SUPT3H: variants seen among roughly 807,000 people sequenced by gnomAD.
The protein encoded by SUPT3H is transcription initiation protein SPT3 homolog.
In SUPT3H, 44 loss-of-function variants were observed where a neutral mutation model predicts 44.3. The ratio of observed to expected loss-of-function variants is 0.99; its 90% CI spans 0.78 to 1.28. The LOEUF is 1.28. Among genes scored for constraint, SUPT3H ranks in the 50% most tolerant of loss-of-function variants. The probability of loss-of-function intolerance (pLI) is 0.00; values close to 1 mark genes in which losing one functional copy is unlikely to be tolerated. For synonymous variants in SUPT3H, 124 were observed against 125.6 expected, an observed-to-expected ratio of 0.99 and a Z score of 0.09; for missense variants, 380 against 387.1, an observed-to-expected ratio of 0.98 and a Z score of 0.15.
chr6:45,183,135 A>G (rs1001423507), intron 2 of SUPT3H, among the ~76,000 whole-genome samples: 1 of 152,270 alleles, frequency 6.6e-6, no homozygotes, highest in Non-Finnish European at 1.5e-5. Context: ...TTATTCAGCC[A>G]CAAAAAGAAT....
At chr6:44,876,836 G>GAAAAAAAAAAA (rs200454659) in intron 10 of SUPT3H, among the ~76,000 whole-genome samples, 7 of 92,234 alleles carry the variant, frequency 7.6e-5, no homozygotes, top group East Asian at 3.2e-4. Flanking sequence ...ATCTTCAATT[G>GAAAAAAAAAAA]AAAAAAAAAA....
intron 3 of SUPT3H, among the ~76,000 whole-genome samples, chr6:45,065,088 A>T (rs1793012301): frequency 6.6e-6 from 1 of 150,826 alleles, no homozygotes; most frequent in Non-Finnish European, 1.5e-5. Context: ...AATGTAAAAG[A>T]ACAGAAATTA....
chr6:44,956,966 C>G (rs928595731), intron 7 of SUPT3H, among the ~76,000 whole-genome samples: 1 of 152,172 alleles, frequency 6.6e-6, no homozygotes, highest in Non-Finnish European at 1.5e-5. Context: ...TATACAGAAC[C>G]AAGCGCGTAT....
chr6:45,174,360 C>T (rs1290900904), intron 2 of SUPT3H, among the ~76,000 whole-genome samples: 1 of 152,338 alleles, frequency 6.6e-6, no homozygotes, highest in Middle Eastern at 3.4e-3. Flanking sequence ...AGAAATTAAT[C>T]TTTTACATCT....
chr6:45,374,761 G>T (rs1796539682), intron 1 of SUPT3H, among the ~76,000 whole-genome samples: 1 of 152,120 alleles, frequency 6.6e-6, no homozygotes, highest in African/African-American at 2.4e-5. Flanking sequence ...TTTTCTTCCA[G>T]AGGGAACCAA....
intron 2 of SUPT3H, among the ~76,000 whole-genome samples, chr6:45,269,783 C>T (rs1170872247): frequency 6.6e-6 from 1 of 152,188 alleles, no homozygotes; most frequent in African/African-American, 2.4e-5. Context: ...TGAGATATAA[C>T]TCACATACCA....
intron 2 of SUPT3H, among the ~76,000 whole-genome samples, chr6:45,116,647 G>A (rs1156655973): frequency 3.9e-5 from 6 of 152,098 alleles, no homozygotes; most frequent in Non-Finnish European, 5.9e-5. Context: ...GTCTTCAAAA[G>A]TATGAAGAAA....
chr6:45,285,252 G>T (rs908528933), intron 2 of SUPT3H, among the ~76,000 whole-genome samples: 2 of 151,762 alleles, frequency 1.3e-5, no homozygotes, highest in African/African-American at 4.8e-5. Context: ...GGGCAATCAG[G>T]CAGGAGAAGG....
At chr6:45,267,104 C>A (rs144308852) in intron 2 of SUPT3H, among the ~76,000 whole-genome samples, 12 of 152,098 alleles carry the variant, frequency 7.9e-5, no homozygotes, top group African/African-American at 2.7e-4. Flanking sequence ...TATATATACA[C>A]AAGTATTCCA....
chr6:45,317,509 C>T (rs1489136374), intron 2 of SUPT3H, among the ~76,000 whole-genome samples: 2 of 152,040 alleles, frequency 1.3e-5, no homozygotes, highest in Non-Finnish European at 2.9e-5. Flanking sequence ...ACTAACGGAA[C>T]AGAACAGTGA....
rs1770768037 is a variant in SUPT3H at position 44,932,646 on chromosome 6, T to A, written c.912+7A>T. The A allele has an allele frequency of 6.3e-7, 1 of 1,589,270 alleles. No homozygotes were observed. Among genetic ancestry groups the A allele is most frequent in the Non-Finnish European group, 8.6e-7 (1 of 1,162,410 alleles). The stretch of plus-strand genomic sequence containing the variant: ...ATATAACTTTTTATAACTCTGTTAT[T>A]ACGTACTGTGAATGGGGAAAGTGGG... On this transcript the variant is annotated splice_region_variant and intron_variant, in intron 10 of 10. Coordinates refer to ENST00000371459, the MANE Select transcript of SUPT3H (RefSeq NM_003599.4).
chr6:45,023,643 G>A (rs1433294755), intron 3 of SUPT3H, among the ~76,000 whole-genome samples: 3 of 151,834 alleles, frequency 2.0e-5, no homozygotes, highest in African/African-American at 7.2e-5. Context: ...TGGAGTCGGA[G>A]GCTAACTAAT....
chr6:45,206,749 T>TA (rs1763275879), intron 2 of SUPT3H, among the ~76,000 whole-genome samples: 1 of 151,998 alleles, frequency 6.6e-6, no homozygotes. Context: ...GTGAGAGAGT[T>TA]AAAGATAACT....
intron 10 of SUPT3H, among the ~76,000 whole-genome samples, chr6:44,836,218 T>C (rs1769847467): frequency 6.6e-6 from 1 of 152,178 alleles, no homozygotes; most frequent in Admixed American, 6.5e-5. Flanking sequence ...GTTTGCACCA[T>C]GCCATGTGAC....
At chr6:45,174,962 G>A (rs1234029692) in intron 2 of SUPT3H, among the ~76,000 whole-genome samples, 1 of 130,956 alleles carries the variant, frequency 7.6e-6, no homozygotes, top group Non-Finnish European at 1.5e-5. Context: ...AGGATCACTT[G>A]AGCCCAGGAG....
At chr6:45,356,591 G>A (rs1453331387) in intron 2 of SUPT3H, among the ~76,000 whole-genome samples, 3 of 151,958 alleles carry the variant, frequency 2.0e-5, no homozygotes, top group Non-Finnish European at 4.4e-5. Context: ...AGTAGAGACA[G>A]GGTTTCACCA....
chr6:45,109,079 A>G (rs1324336031), intron 2 of SUPT3H, among the ~76,000 whole-genome samples: 1 of 152,202 alleles, frequency 6.6e-6, no homozygotes, highest in African/African-American at 2.4e-5. Flanking sequence ...GATGGTAAAG[A>G]GACAGGAATA....
At chr6:44,951,941 A>T (rs1316174649) in intron 9 of SUPT3H, among the ~76,000 whole-genome samples, 1 of 152,206 alleles carries the variant, frequency 6.6e-6, no homozygotes, top group Non-Finnish European at 1.5e-5. Flanking sequence ...GTTTTTTGAC[A>T]TCATAATTTG....
At chr6:45,271,583 A>G (rs1156382376) in intron 2 of SUPT3H, among the ~76,000 whole-genome samples, 2 of 152,166 alleles carry the variant, frequency 1.3e-5, no homozygotes, top group Admixed American at 1.3e-4. Context: ...CTGGATACCC[A>G]CGCTGAAGTT....
Sources: gnomAD v4.1 joint callset for allele counts (sites outside exome capture counted in the v4.1 genomes callset) on GRCh38, gnomAD v4.1.1 for gene constraint, MANE v1.5 for transcripts, NCBI Gene and HGNC (gene_info 2026-07-23, HGNC 2026-07-21) for gene names.